Variants in STK32B observed in about 807,000 individuals in gnomAD.
The protein encoded by STK32B is serine/threonine kinase 32B.
Under a neutral mutation model 52.6 loss-of-function variants are expected in STK32B, and 43 were observed. The ratio of observed to expected loss-of-function variants is 0.82; its 90% CI spans 0.64 to 1.05. The LOEUF is 1.05. Among genes scored for constraint, STK32B ranks in the 50% least tolerant of loss-of-function variants. The pLI is 0.00. For missense variants in STK32B, 621 were observed against 534.6 expected, an observed-to-expected ratio of 1.16 and a Z score of -1.59; for synonymous variants, 238 against 204.3, an observed-to-expected ratio of 1.17 and a Z score of -1.41.
chr4:5,261,083 C>T (rs1034170257), intron 3 of STK32B, among the ~76,000 whole-genome samples: 1 of 152,090 alleles, frequency 6.6e-6, no homozygotes, highest in African/African-American at 2.4e-5. Flanking sequence ...TGGCTGATAG[C>T]TGAAGGCTGT....
rs368071700 is a variant in STK32B, at chr4:5,132,374, A to G, written c.53-7531A>G. 9.2e-5 allele frequency among the ~76,000 whole-genome samples: 14 copies of G among 152,314 alleles called. No homozygotes were observed. In the South Asian group the frequency reaches 2.7e-3, roughly 29 times the overall value. On this transcript the variant is annotated intron_variant, in intron 1 of 11. Coordinates refer to ENST00000282908, the MANE Select transcript of STK32B (RefSeq NM_018401.3). The stretch of plus-strand genomic sequence containing the variant: ...GAGGGAGAGGATCAAAAAGCTACCT[A>G]TTAGGAACTATGCTTACTACCTGGG...
upstream of STK32B, among the ~76,000 whole-genome samples, chr4:5,050,955 T>A (rs1343307635): frequency 6.6e-6 from 1 of 152,172 alleles, no homozygotes; most frequent in Non-Finnish European, 1.5e-5. Context: ...GTCTGGGGCC[T>A]CAGTTTCCCC....
At chr4:5,122,618 C>G (rs186898528) in intron 1 of STK32B, among the ~76,000 whole-genome samples, 1 of 152,094 alleles carries the variant, frequency 6.6e-6, no homozygotes, top group Non-Finnish European at 1.5e-5. Context: ...CTTATTCATT[C>G]CCTGACTCAT....
At chr4:5,124,124 C>A (rs1715220595) in intron 1 of STK32B, among the ~76,000 whole-genome samples, 1 of 152,144 alleles carries the variant, frequency 6.6e-6, no homozygotes, top group Non-Finnish European at 1.5e-5. Context: ...AGCATCCTCC[C>A]AGTTTGTTGG....
intron 6 of STK32B, among the ~76,000 whole-genome samples, chr4:5,439,447 GTTGT>G (rs747659880): frequency 6.6e-6 from 1 of 151,974 alleles, no homozygotes; most frequent in East Asian, 1.9e-4. Context: ...TTTTGATGGG[GTTGT>G]TTGTTTTTTT....
chr4:5,248,501 G>A lies in STK32B; in HGVS notation c.260+80051G>A, dbSNP rs1289373048. On this transcript the variant is annotated intron_variant, in intron 3 of 11. Coordinates refer to ENST00000282908, the MANE Select transcript of STK32B (RefSeq NM_018401.3). ...GGGCCACCATTGCAAAACTGTACTG[G>A]TCAATTTAACTCCTCATGTTAGTCA... 2.0e-5 allele frequency among the ~76,000 whole-genome samples: 3 copies of A among 152,082 alleles called. No individual in the cohort carries two copies. In the East Asian group the frequency reaches 5.8e-4, roughly 29 times the overall value.
chr4:5,274,597 C>T (rs548458249), intron 3 of STK32B, among the ~76,000 whole-genome samples: 2 of 152,252 alleles, frequency 1.3e-5, no homozygotes, highest in East Asian at 3.9e-4. Context: ...AAGAAATAGC[C>T]AATCATCTAT....
intron 4 of STK32B, among the ~76,000 whole-genome samples, chr4:5,359,724 A>G (rs1734422973): frequency 2.0e-5 from 3 of 152,160 alleles, no homozygotes; most frequent in Admixed American, 1.3e-4. Flanking sequence ...TGAGGTGGCA[A>G]CATTTCCAGG....
At chr4:5,373,054 AG>A (rs1735357512) in intron 4 of STK32B, among the ~76,000 whole-genome samples, 1 of 152,204 alleles carries the variant, frequency 6.6e-6, no homozygotes, top group Non-Finnish European at 1.5e-5. Context: ...CTATAAAGCC[AG>A]AAAAAGCTTT....
At chr4:5,134,430 T>G (rs1315083078) in intron 1 of STK32B, among the ~76,000 whole-genome samples, 2 of 152,168 alleles carry the variant, frequency 1.3e-5, no homozygotes, top group East Asian at 3.9e-4. Context: ...TCTCCTGCCC[T>G]TCCTCTGTGG....
intron 2 of STK32B, among the ~76,000 whole-genome samples, chr4:5,162,824 C>T (rs1718548048): frequency 6.6e-6 from 1 of 152,184 alleles, no homozygotes; most frequent in Non-Finnish European, 1.5e-5. Context: ...GTTGAAGGTT[C>T]CCAGGACCTG....
Position 5,200,181 on chromosome 4 carries a change from A to G in STK32B, c.260+31731A>G, listed in dbSNP as rs564078255. The stretch of plus-strand genomic sequence containing the variant: ...GTGTTATTGAATCAAGCAATGCCCA[A>G]TTACTCTTAACAGGTTGAAGTATCT... On this transcript the variant is annotated intron_variant, in intron 3 of 11. Transcript: ENST00000282908. Among the ~76,000 whole-genome samples, 4 of 151,574 alleles carry G rather than the reference A, an allele frequency of 2.6e-5. No individual in the cohort carries two copies. In the South Asian group the frequency reaches 8.4e-4, roughly 32 times the overall value.
intron 6 of STK32B, chr4:5,438,060 G>A: frequency 1.0e-6 from 1 of 985,576 alleles, no homozygotes; most frequent in Non-Finnish European, 1.2e-6. Context: ...AATGGACTTG[G>A]GGCTGCCAGG....
In STK32B at chr4:5,331,411, G is replaced by A. The variant is rs745949407; in HGVS notation, c.434+18G>A. On this transcript the variant is annotated intron_variant, in intron 4 of 11. Transcript: ENST00000282908. ...ATCCACAGGTAACTGGGCTGCTGGC[G>A]GGATGCCTGGGACAGAGGGACCATG... is the stretch of plus-strand genomic sequence containing the variant. The A allele has an allele frequency of 7.6e-5, 122 of 1,596,630 alleles. 1 individual carries two copies. The highest frequency in any genetic ancestry group is 9.8e-5 in the Non-Finnish European group (115 of 1,170,062).
At chr4:5,158,644 T>C (rs1299273185) in intron 2 of STK32B, among the ~76,000 whole-genome samples, 1 of 152,096 alleles carries the variant, frequency 6.6e-6, no homozygotes, top group African/African-American at 2.4e-5. Context: ...CAAAACTGAT[T>C]TTCACAGTTC....
chr4:5,387,587 G>T (rs195138), intron 4 of STK32B, among the ~76,000 whole-genome samples: 1 of 151,950 alleles, frequency 6.6e-6, no homozygotes, highest in Non-Finnish European at 1.5e-5. Context: ...CACTCCAGCC[G>T]TGCATGCAGA....
At chr4:5,235,186 G>T (rs958807894) in intron 3 of STK32B, among the ~76,000 whole-genome samples, 1 of 152,204 alleles carries the variant, frequency 6.6e-6, no homozygotes, top group Admixed American at 6.5e-5. Context: ...CAGTTTTCTG[G>T]TCTATAAAAT....
intron 4 of STK32B, among the ~76,000 whole-genome samples, chr4:5,397,628 G>A (rs10050195): frequency 0.012 from 1,856 of 152,304 alleles, 23 homozygotes; most frequent in South Asian, 0.057. Context: ...TCTCTGTTGC[G>A]TGCTCCTCTG....
At position 5,232,299 on chromosome 4, in the gene STK32B, T is replaced by C. The variant is rs1724325860; in HGVS notation, c.260+63849T>C. 2.6e-5 allele frequency among the ~76,000 whole-genome samples: 4 copies of C among 152,208 alleles called. 1 individual carries two copies. The South Asian group carries it at 8.3e-4, about 32-fold the overall frequency. The stretch of plus-strand genomic sequence containing the variant: ...TAATATGTGGACTTTGATTAATGTA[T>C]TAAATAAGATCTAAGAGCATGGCAA... On this transcript the variant is annotated intron_variant, in intron 3 of 11. Coordinates refer to ENST00000282908, the MANE Select transcript of STK32B (RefSeq NM_018401.3).
Sources: allele counts gnomAD v4.1 joint callset (sites outside exome capture counted in the v4.1 genomes callset), GRCh38; gene constraint gnomAD v4.1.1; transcripts MANE v1.5; gene names NCBI Gene and HGNC (gene_info 2026-07-23, HGNC 2026-07-21).